Variants in TTYH2 observed in about 807,000 individuals in gnomAD.
TTYH2 encodes tweety family member 2, also known as protein tweety homolog 2.
A neutral mutation model predicts 68.3 loss-of-function variants in TTYH2; 49 were observed. That is an observed-to-expected ratio of 0.72 (90% CI 0.57 to 0.91). The LOEUF (loss-of-function observed/expected upper bound fraction) is 0.91. Ranked by LOEUF, TTYH2 falls within the 40% of genes least tolerant of loss-of-function variation. The pLI, the probability that TTYH2 is intolerant of heterozygous loss-of-function variation, is 0.00. For missense variants in TTYH2, 631 were observed against 700.4 expected, an observed-to-expected ratio of 0.90 and a Z score of 1.12; for synonymous variants, 272 against 300.8, an observed-to-expected ratio of 0.90 and a Z score of 0.99.
intron 9 of TTYH2, 30 bp downstream of exon 9, chr17:74,250,058 C>G: frequency 2.5e-6 from 4 of 1,608,730 alleles, no homozygotes; most frequent in Non-Finnish European, 3.4e-6. Context: ...AGAGGGGAGC[C>G]CCAGATGAAC....
chr17:74,237,523 C>T lies in TTYH2; in HGVS notation c.635+9C>T. 1 of 1,593,428 alleles carries T rather than the reference C, an allele frequency of 6.3e-7. No individual in the cohort carries two copies. Among genetic ancestry groups the T allele is most frequent in the Non-Finnish European group, 8.6e-7 (1 of 1,165,110 alleles). ...TACGTGGAGTACTACAGGTGAAGGACCGGTGGGAGGCAGAGGGAGGGGCAG... is the reference window on the plus strand; with the variant it reads ...TACGTGGAGTACTACAGGTGAAGGATCGGTGGGAGGCAGAGGGAGGGGCAG... On this transcript the variant is annotated intron_variant, in intron 4 of 13. Transcript: ENST00000269346.
At chr17:74,229,101 G>A (rs1418156419) in intron 2 of TTYH2, among the ~76,000 whole-genome samples, 1 of 152,166 alleles carries the variant, frequency 6.6e-6, no homozygotes, top group Admixed American at 6.6e-5. Context: ...CATTCTATAA[G>A]TTGGGAGTTC....
At chr17:74,219,551 C>T (rs150126203) in intron 1 of TTYH2, among the ~76,000 whole-genome samples, 4 of 152,144 alleles carry the variant, frequency 2.6e-5, no homozygotes, top group Non-Finnish European at 5.9e-5. Context: ...AAGCCCCCTT[C>T]GTGCTCTCTT....
rs536432576 is a variant in TTYH2, at chr17:74,255,460, AT to A, written c.1524+1636del. 4.7e-5 allele frequency among the ~76,000 whole-genome samples: 7 copies of A among 150,098 alleles called. No homozygotes were observed. The South Asian group carries it at 6.4e-4, about 14-fold the overall frequency. ...AATTTTATTTTATTTTTTATTTTTT[AT>A]TTTTTTTTGAGACGGAGTCTCACTC... On this transcript the variant is annotated intron_variant, in intron 13 of 13. Transcript: ENST00000269346.
intron 13 of TTYH2, among the ~76,000 whole-genome samples, chr17:74,254,895 CA>C (rs1426096468): frequency 1.3e-5 from 2 of 152,158 alleles, no homozygotes; most frequent in Non-Finnish European, 1.5e-5. Flanking sequence ...GGGCTGAACC[CA>C]AACACAGCCT....
At position 74,230,896 on chromosome 17, in the gene TTYH2, T is replaced by C. The variant is rs752312395; in HGVS notation, c.311T>C (p.Val104Ala). The change falls in exon 3 of 14, where the codon GTG becomes GCG. Residue 104 changes from valine (V) to alanine (A), a missense_variant. Val to Ala is a moderately conservative substitution (Grantham distance 64). Transcript: ENST00000269346. ...TGGGATCTTGCTTATAGTGCTGCGG[T>C]GGGCGTTGGTTTCTATGGAAACAGC... ...VVAGLICCAA[V>A]GVGFYGNSET... The C allele has an allele frequency of 6.2e-7, 1 of 1,614,108 alleles. No homozygotes were observed. Among genetic ancestry groups the C allele is most frequent in the Admixed American group, 1.7e-5 (1 of 60,012 alleles).
chr17:74,230,832 G>A, intron 2 of TTYH2, 56 bp from the exon 3 acceptor site: 4 of 1,569,882 alleles, frequency 2.5e-6, no homozygotes, highest in East Asian at 2.3e-5. Context: ...TTTAATATAA[G>A]CAAACATTCT....
intron 6 of TTYH2, among the ~76,000 whole-genome samples, chr17:74,244,880 GTGTT>G (rs930078668): frequency 6.6e-5 from 10 of 150,528 alleles, no homozygotes; most frequent in East Asian, 1.9e-4. Flanking sequence ...GTGTGTGTGT[GTGTT>G]TGTGTGTGTG....
chr17:74,235,625 C>A (rs1404133638), intron 3 of TTYH2, among the ~76,000 whole-genome samples: 1 of 152,184 alleles, frequency 6.6e-6, no homozygotes, highest in Admixed American at 6.5e-5. Flanking sequence ...CGTGGTGGCT[C>A]ATGCTTGCAA....
At position 74,214,493 on chromosome 17, in the gene TTYH2, T is replaced by C. The variant is rs1279926279; in HGVS notation, c.129+777T>C. On this transcript the variant is annotated intron_variant, in intron 1 of 13. Coordinates refer to ENST00000269346, the MANE Select transcript of TTYH2 (RefSeq NM_032646.6). This position sits in a 1 kb window ranked among gnomAD's most constrained non-coding sequence, Gnocchi z 4.6. ...CTCTCTACCTCACACCTTTAAGCCC[T>C]GAATTTCTGGCCTAGGGCAGTCACT... Among the ~76,000 whole-genome samples the C allele has an allele frequency of 6.6e-6, 1 of 152,120 alleles. No individual in the cohort carries two copies. Among genetic ancestry groups the C allele is most frequent in the Non-Finnish European group, 1.5e-5 (1 of 68,012 alleles).
At chr17:74,249,424 C>T in intron 8 of TTYH2, 25 bp downstream of exon 8, 1 of 1,612,298 alleles carries the variant, frequency 6.2e-7, no homozygotes, top group Non-Finnish European at 8.5e-7. Context: ...GGCCTGCCCT[C>T]ACCCTGCCCA....
chr17:74,247,832 AGTGC>A lies in TTYH2; in HGVS notation c.805-1162_805-1159del, dbSNP rs570891217. 4.2e-3 allele frequency: 639 copies of A among 152,258 alleles called. 3 individuals carry two copies. The highest frequency in any genetic ancestry group is 7.2e-3 in the Non-Finnish European group (490 of 68,198). 9.4% of individuals were successfully genotyped at this position (152,258 alleles called of 1,614,324 possible). On this transcript the variant is annotated intron_variant, in intron 6 of 13. Transcript: ENST00000269346. Reference sequence around the variant, plus strand: ...ATAAAGCATTTCTCCCAGGGTCTTAAGTGCGTGCGTGCGTGCGTGCATGCGTGTG... The same window carrying A: ...ATAAAGCATTTCTCCCAGGGTCTTAAGTGCGTGCGTGCGTGCATGCGTGTG...
chr17:74,237,591 G>T, intron 4 of TTYH2, 77 bp downstream of exon 4: 2 of 1,316,412 alleles, frequency 1.5e-6, no homozygotes, highest in Non-Finnish European at 2.1e-6. Flanking sequence ...TGCATGTTGA[G>T]CTCCAGGTGG....
intron 1 of TTYH2, among the ~76,000 whole-genome samples, chr17:74,220,664 G>A (rs7224270): frequency 0.019 from 2,939 of 152,280 alleles, 103 homozygotes; most frequent in African/African-American, 0.067. Flanking sequence ...GGTCAGTCCC[G>A]GGGACAGGCC....
intron 10 of TTYH2, chr17:74,251,922 C>T (rs182367781): frequency 1.1e-4 from 38 of 357,466 alleles, no homozygotes; most frequent in African/African-American, 7.8e-4. Context: ...TTCTTGCCAT[C>T]CTGGCCTCAG....
Position 74,253,152 on chromosome 17 carries a change from G to C in TTYH2, c.1331G>C (p.Ser444Thr). 6.2e-7 allele frequency: 1 copy of C among 1,613,952 alleles called. No homozygotes were observed. Among genetic ancestry groups the C allele is most frequent in the South Asian group, 1.1e-5 (1 of 91,064 alleles). ...CAAGCCTGGCGCATGGCGGCTCACAGTCCCCCGAGGGGACAGCTTCACAGC... is the reference window on the plus strand; with the variant it reads ...CAAGCCTGGCGCATGGCGGCTCACACTCCCCCGAGGGGACAGCTTCACAGC... ...NPQAWRMAAH[S>T]PPRGQLHSFC... is the part of the protein sequence containing the mutation. The change falls in exon 12 of 14, where the codon AGT becomes ACT. Residue 444 changes from serine to threonine, a missense_variant. Transcript: ENST00000269346.
chr17:74,225,874 G>A (rs2050324583), intron 2 of TTYH2, among the ~76,000 whole-genome samples: 1 of 152,236 alleles, frequency 6.6e-6, no homozygotes, highest in Non-Finnish European at 1.5e-5. Context: ...CCAGGCAGAG[G>A]GTCGCATAGA....
chr17:74,248,834 C>A, intron 6 of TTYH2, 177 bp from the exon 7 acceptor site: 1 of 1,434,350 alleles, frequency 7.0e-7, no homozygotes, highest in Non-Finnish European at 9.1e-7. Context: ...TTGTCCAAGG[C>A]AACAGAGCTA....
chr17:74,240,690 G>A (rs941063203), intron 4 of TTYH2: 1 of 152,236 alleles, frequency 6.6e-6, no homozygotes, highest in African/African-American at 2.4e-5. Context: ...TATTGGAGGA[G>A]ATAAAAAGCC....
Sources: gnomAD v4.1 joint callset for allele counts (sites outside exome capture counted in the v4.1 genomes callset) on GRCh38, gnomAD v4.1.1 for gene constraint, Gnocchi (gnomAD v3.1) non-coding constraint, MANE v1.5 for transcripts, NCBI Gene and HGNC (gene_info 2026-07-23, HGNC 2026-07-21) for gene names.